The following PCDH15 variants were observed in gnomAD, a reference collection of about 807,000 sequenced individuals.
The protein encoded by PCDH15 is protocadherin related 15.
PCDH15 carries 129 observed loss-of-function variants against 178.5 expected under a neutral mutation model. That is an observed-to-expected ratio of 0.72 (90% CI 0.63 to 0.84). The LOEUF is 0.84. PCDH15 is among the 40% of genes least tolerant of loss of function. PCDH15 has a pLI of 0.00. For synonymous variants in PCDH15, 800 were observed against 732.0 expected, an observed-to-expected ratio of 1.09 and a Z score of -1.50; for missense variants, 2,230 against 2,099.9, an observed-to-expected ratio of 1.06 and a Z score of -1.21.
intron 21 of PCDH15, among the ~76,000 whole-genome samples, chr10:53,968,143 A>G (rs2089250118): frequency 6.6e-6 from 1 of 152,004 alleles, no homozygotes; most frequent in African/African-American, 2.4e-5. Flanking sequence ...AAATTGGTAC[A>G]CTCCCACTCT....
intron 2 of PCDH15, among the ~76,000 whole-genome samples, chr10:55,142,177 T>A (rs1175174943): frequency 5.9e-5 from 9 of 152,144 alleles, no homozygotes; most frequent in Admixed American, 5.9e-4. Flanking sequence ...TCTCAGAGCT[T>A]ATTGACTGAT....
At chr10:54,421,035 A>G (rs1006715384) in intron 3 of PCDH15, among the ~76,000 whole-genome samples, 1 of 152,082 alleles carries the variant, frequency 6.6e-6, no homozygotes, top group Non-Finnish European at 1.5e-5. Flanking sequence ...TTGCATTATT[A>G]TCATACCCTA....
chr10:54,556,788 T>G (rs2087338056), intron 2 of PCDH15, among the ~76,000 whole-genome samples: 1 of 152,010 alleles, frequency 6.6e-6, no homozygotes, highest in Admixed American at 6.6e-5. Context: ...ACCTCTAAAT[T>G]TTAACTTAGT....
chr10:54,126,871 T>C (rs2042034348), intron 15 of PCDH15, among the ~76,000 whole-genome samples: 1 of 152,138 alleles, frequency 6.6e-6, no homozygotes, highest in Non-Finnish European at 1.5e-5. Flanking sequence ...TTTTTGTTTG[T>C]TTATATGTTT....
intron 2 of PCDH15, among the ~76,000 whole-genome samples, chr10:55,046,853 T>C (rs182927257): frequency 1.3e-5 from 2 of 152,100 alleles, no homozygotes; most frequent in East Asian, 3.9e-4. Context: ...ATCACTGATT[T>C]CCCAGACTCT....
chr10:54,354,472 TC>T (rs1377126589), intron 5 of PCDH15, among the ~76,000 whole-genome samples: 1 of 152,198 alleles, frequency 6.6e-6, no homozygotes, highest in Non-Finnish European at 1.5e-5. Flanking sequence ...AATGTGCCCA[TC>T]CTATGGAAGA....
chr10:55,614,116 A>T (rs1305853647), intron 2 of PCDH15, among the ~76,000 whole-genome samples: 385 of 149,172 alleles, frequency 2.6e-3, no homozygotes, highest in African/African-American at 8.4e-3. Context: ...TCCATCTCAA[A>T]AAAAAAAAAA....
At chr10:54,215,877 T>A (rs1006556449) in intron 9 of PCDH15, among the ~76,000 whole-genome samples, 1 of 149,714 alleles carries the variant, frequency 6.7e-6, no homozygotes, top group Admixed American at 6.7e-5. Context: ...CCGCCTCTAC[T>A]AAAAAAAATA....
intron 28 of PCDH15, among the ~76,000 whole-genome samples, chr10:53,844,158 A>T (rs1024626298): frequency 2.6e-5 from 4 of 152,026 alleles, no homozygotes; most frequent in Admixed American, 1.3e-4. Context: ...TCACGTGGGG[A>T]CTTTGAGGAT....
At position 55,121,585 on chromosome 10, in the gene PCDH15, A is replaced by C. The variant is rs145834091; in HGVS notation, c.-80+44991T>G. Among the ~76,000 whole-genome samples, 978 of 152,252 alleles carry C rather than the reference A, an allele frequency of 6.4e-3. 6 individuals carry two copies. The highest frequency in any genetic ancestry group is 0.023 in the African/African-American group (941 of 41,546). ...TATATGTGTCTCTCTAAAATTTATA[A>C]GTTGGAATTTAAACCCCAATGTGAT... On this transcript the variant is annotated intron_variant, in intron 2 of 5. Coordinates refer to the PCDH15 transcript ENST00000458638.
intron 28 of PCDH15, among the ~76,000 whole-genome samples, chr10:53,850,077 A>G (rs890833382): frequency 1.8e-4 from 28 of 152,162 alleles, no homozygotes; most frequent in Middle Eastern, 3.4e-3. Context: ...TCCTCCAAAT[A>G]ATAACTAAGA....
At chr10:55,112,832 G>C (rs1267055582) in intron 2 of PCDH15, among the ~76,000 whole-genome samples, 6 of 152,146 alleles carry the variant, frequency 3.9e-5, no homozygotes, top group African/African-American at 1.4e-4. Flanking sequence ...CTAGAAATTA[G>C]CCAGCCTTGG....
chr10:55,196,788 AT>A (rs758001297), intron 1 of PCDH15, among the ~76,000 whole-genome samples: 1 of 151,910 alleles, frequency 6.6e-6, no homozygotes, highest in East Asian at 1.9e-4. Context: ...TCCAAAACAC[AT>A]TTTTTTCAGT....
rs146139530 is a variant in PCDH15, at chr10:53,903,930, C to G, written c.3374-560G>C. On this transcript the variant is annotated intron_variant, in intron 25 of 37. Coordinates refer to ENST00000644397, the MANE Select transcript of PCDH15 (RefSeq NM_001384140.1). ...AGTTTTATCATGCCTTGGAAACTGTCAATGTTAGAGGCTAACATTCATTGA... is the reference window on the plus strand; with the variant it reads ...AGTTTTATCATGCCTTGGAAACTGTGAATGTTAGAGGCTAACATTCATTGA... 3.2e-3 allele frequency among the ~76,000 whole-genome samples: 486 copies of G among 152,128 alleles called. 1 individual carries two copies. The highest frequency in any genetic ancestry group is 0.011 in the African/African-American group (462 of 41,492).
intron 3 of PCDH15, among the ~76,000 whole-genome samples, chr10:54,842,236 GAC>G (rs528806010): frequency 9.6e-4 from 146 of 151,520 alleles, no homozygotes; most frequent in African/African-American, 3.4e-3. Flanking sequence ...GAATAAATGA[GAC>G]AGATTTAATT....
At chr10:54,968,219 C>T (rs1363231995) in intron 2 of PCDH15, among the ~76,000 whole-genome samples, 1 of 152,112 alleles carries the variant, frequency 6.6e-6, no homozygotes, top group East Asian at 1.9e-4. Flanking sequence ...TTTCCACCAG[C>T]ATCCCACTGT....
At chr10:54,155,371 G>C (rs966760873) in intron 13 of PCDH15, among the ~76,000 whole-genome samples, 2 of 152,076 alleles carry the variant, frequency 1.3e-5, no homozygotes, top group African/African-American at 4.8e-5. Flanking sequence ...AACCACAGTT[G>C]AGCTAAGGTA....
At chr10:55,324,533 C>A (rs1348219477), upstream of PCDH15, among the ~76,000 whole-genome samples, 1 of 151,962 alleles carries the variant, frequency 6.6e-6, no homozygotes, top group East Asian at 1.9e-4. Flanking sequence ...AACTAAGTAT[C>A]CTAAATAGGC....
intron 1 of PCDH15, among the ~76,000 whole-genome samples, chr10:55,177,323 G>C (rs1452264475): frequency 6.6e-6 from 1 of 152,130 alleles, no homozygotes; most frequent in South Asian, 2.1e-4. Context: ...AGGCTAAAAG[G>C]GTCTTTGACC....
Sources: allele counts gnomAD v4.1 joint callset (sites outside exome capture counted in the v4.1 genomes callset), GRCh38; gene constraint gnomAD v4.1.1; transcripts MANE v1.5; gene names NCBI Gene and HGNC (gene_info 2026-07-23, HGNC 2026-07-21).